The following NME9 variants were observed in gnomAD, a reference collection of about 807,000 sequenced individuals.
NME9 encodes the protein thioredoxin domain-containing protein 6.
In NME9, 48 loss-of-function variants were observed where a neutral mutation model predicts 44.4. That is an observed-to-expected ratio of 1.08 (90% CI 0.86 to 1.37). The LOEUF (loss-of-function observed/expected upper bound fraction) is 1.37, where lower values mean the gene tolerates loss of function less well. Among genes scored for constraint, NME9 ranks in the 40% most tolerant of loss-of-function variants. The pLI, the probability that NME9 is intolerant of heterozygous loss-of-function variation, is 0.00. For synonymous variants in NME9, 139 were observed against 147.1 expected (o/e 0.94, Z 0.40); for missense variants, 325 against 405.2 (o/e 0.80, Z 1.70).
At chr3:138,296,770 A>G (rs1207788936), downstream of NME9, 2 of 152,232 alleles carry the variant, frequency 1.3e-5, no homozygotes, top group Non-Finnish European at 2.9e-5. Context: ...AAAGGGAAAT[A>G]TAACTACTGA....
chr3:138,305,115 G>A, intron 8 of NME9, 88 bp from the exon 9 acceptor site: 1 of 1,260,660 alleles, frequency 7.9e-7, no homozygotes. Context: ...CACGGAATGG[G>A]AGGGAGTTAG....
chr3:138,281,899 C>G (rs577974668), intron 8 of NME9, among the ~76,000 whole-genome samples: 18 of 152,212 alleles, frequency 1.2e-4, no homozygotes, highest in African/African-American at 2.6e-4. Context: ...GGTTATGAAG[C>G]CTTATTAAAA....
rs186229990 is a variant in NME9, at chr3:138,295,174, C to T, written c.745+8333G>A. Among the ~76,000 whole-genome samples the T allele has an allele frequency of 1.5e-3, 221 of 152,276 alleles. 2 individuals carry two copies. Among genetic ancestry groups the T allele is most frequent in the Middle Eastern group, 3.4e-3 (1 of 294 alleles). On this transcript the variant is annotated intron_variant, in intron 8 of 8. Transcript: ENST00000317876. ...TCAGCCTCCCAAAGTGCTGGAATTACAGGTGTGAGCCACAGCACCCGGCCT... is the reference window on the plus strand; with the variant it reads ...TCAGCCTCCCAAAGTGCTGGAATTATAGGTGTGAGCCACAGCACCCGGCCT...
At chr3:138,271,190 T>C in intron 8 of NME9, among the ~76,000 whole-genome samples, 1 of 152,198 alleles carries the variant, frequency 6.6e-6, no homozygotes, top group East Asian at 1.9e-4. Context: ...TCACAGATAT[T>C]TTTCTCCTGA....
At chr3:138,271,313 C>T (rs1279808972) in intron 8 of NME9, among the ~76,000 whole-genome samples, 1 of 152,134 alleles carries the variant, frequency 6.6e-6, no homozygotes, top group Non-Finnish European at 1.5e-5. Context: ...GAGAACATTC[C>T]CCCAAGTTTC....
intron 9 of NME9, among the ~76,000 whole-genome samples, chr3:138,304,521 GTC>G (rs1452216597): frequency 6.6e-6 from 1 of 152,224 alleles, no homozygotes; most frequent in Non-Finnish European, 1.5e-5. Flanking sequence ...CTGGCCCAGA[GTC>G]TCTGATTGAC....
At chr3:138,327,765 G>A (rs1019665371) in intron 1 of NME9, among the ~76,000 whole-genome samples, 15 of 152,050 alleles carry the variant, frequency 9.9e-5, no homozygotes, top group African/African-American at 3.6e-4. Flanking sequence ...GAGGCTGCTC[G>A]CTCTCCTCCT....
At chr3:138,262,527 G>C (rs1439024860) in exon 9 of NME9, 4 of 1,611,864 alleles carry the variant, frequency 2.5e-6, no homozygotes. Context: ...TCAGACTTCT[G>C]AATCCTCTCA....
chr3:138,263,888 C>A, intron 8 of NME9: 2 of 1,349,936 alleles, frequency 1.5e-6, no homozygotes, highest in South Asian at 1.2e-5. Flanking sequence ...CTTTCTGGTC[C>A]TTCACTGAGT....
At chr3:138,278,648 G>T (rs186971302) in intron 8 of NME9, among the ~76,000 whole-genome samples, 2 of 152,224 alleles carry the variant, frequency 1.3e-5, no homozygotes, top group South Asian at 2.1e-4. Context: ...ATAAATTTGG[G>T]AGGACGTGAC....
chr3:138,291,784 T>G (rs895549805), intron 8 of NME9, among the ~76,000 whole-genome samples: 5 of 152,096 alleles, frequency 3.3e-5, no homozygotes, highest in African/African-American at 1.2e-4. Context: ...GGGGTGATAG[T>G]GGGTTCAAAG....
intron 6 of NME9, among the ~76,000 whole-genome samples, chr3:138,313,131 C>T (rs1165692971): frequency 3.3e-5 from 5 of 152,138 alleles, no homozygotes; most frequent in Admixed American, 3.3e-4. Flanking sequence ...TGGCTCACGC[C>T]TGTAATCCCA....
chr3:138,300,688 T>C (rs2051792842), downstream of NME9, among the ~76,000 whole-genome samples: 1 of 152,186 alleles, frequency 6.6e-6, no homozygotes, highest in Admixed American at 6.5e-5. Context: ...CTCTCAGCTT[T>C]TAAATTTAAG....
chr3:138,295,851 G>T (rs768276344), intron 8 of NME9: 1 of 1,613,408 alleles, frequency 6.2e-7, no homozygotes, highest in African/African-American at 1.3e-5. Flanking sequence ...GGAATTTTGT[G>T]ATTTCAGGGC....
At position 138,325,863 on chromosome 3, in the gene NME9, A is replaced by G. The variant is rs893711301; in HGVS notation, c.34-933T>C. Among the ~76,000 whole-genome samples, 7 of 147,280 alleles carry G rather than the reference A, an allele frequency of 4.8e-5. No homozygotes were observed. In the East Asian group the frequency reaches 1.4e-3, roughly 29 times the overall value. On this transcript the variant is annotated intron_variant, in intron 1 of 10. Coordinates refer to ENST00000333911, the MANE Select transcript of NME9 (RefSeq NM_001349018.2). ...GCTTGTTATCTTATTACTCCTGAAT[A>G]TATTATTCCTATATAACACATTACG...
chr3:138,272,839 A>T, intron 8 of NME9: 10 of 835,382 alleles, frequency 1.2e-5, no homozygotes, highest in South Asian at 2.9e-5. Flanking sequence ...GCCACTGCAC[A>T]CCAGCCTGGG....
At chr3:138,287,759 A>G in intron 8 of NME9, 2 of 450,692 alleles carry the variant, frequency 4.4e-6, no homozygotes, top group Non-Finnish European at 4.5e-6. Flanking sequence ...ATATAGTCCT[A>G]CATGAGAAGA....
intron 8 of NME9, among the ~76,000 whole-genome samples, chr3:138,286,833 A>C (rs1207183441): frequency 6.6e-6 from 1 of 151,948 alleles, no homozygotes; most frequent in African/African-American, 2.4e-5. Flanking sequence ...CCCAGCCTAG[A>C]CCTCTCTTCC....
chr3:138,267,006 C>T (rs1319539165), intron 8 of NME9: 11 of 484,078 alleles, frequency 2.3e-5, no homozygotes, highest in Non-Finnish European at 3.9e-5. Flanking sequence ...AAGTTTGACA[C>T]AGTATCAAGT....
Sources: allele counts gnomAD v4.1 joint callset (sites outside exome capture counted in the v4.1 genomes callset), GRCh38; gene constraint gnomAD v4.1.1; transcripts MANE v1.5; gene names NCBI Gene and HGNC (gene_info 2026-07-23, HGNC 2026-07-21).